Variants in SIMC1 observed in about 807,000 individuals in gnomAD.
SIMC1 encodes SUMO interacting motifs containing 1, also known as SUMO-interacting motif-containing protein 1.
In SIMC1, 55 loss-of-function variants were observed where a neutral mutation model predicts 82.3. That is an observed-to-expected ratio of 0.67 (90% CI 0.54 to 0.84). The LOEUF (loss-of-function observed/expected upper bound fraction) is 0.84. SIMC1 is among the 40% of genes least tolerant of loss of function. SIMC1 has a pLI of 0.00. For synonymous variants in SIMC1, 353 were observed against 426.3 expected (o/e 0.83, Z 2.12); for missense variants, 915 against 1,107.2 (o/e 0.83, Z 2.46).
Position 176,290,320 on chromosome 5 carries a change from C to G in SIMC1, c.796C>G (p.Gln266Glu). The part of the protein sequence containing the change: ...CQLPALTHPP[Q>E]EVPCPRQNIP... The stretch of plus-strand genomic sequence containing the variant: ...ACTACCAGCTCTAACTCACCCACCT[C>G]AAGAAGTGCCATGCCCTCGGCAGAA... Residue 266 changes from glutamine to glutamate, a missense_variant, in exon 2 of 10, where the codon CAA (glutamine) becomes GAA (glutamate). Transcript: ENST00000429602. 2 of 1,613,988 alleles carry G rather than the reference C, an allele frequency of 1.2e-6. No individual in the cohort carries two copies. Among genetic ancestry groups the G allele is most frequent in the South Asian group, 1.1e-5 (1 of 91,076 alleles).
At chr5:176,297,737 A>G in intron 4 of SIMC1, among the ~76,000 whole-genome samples, 1 of 152,200 alleles carries the variant, frequency 6.6e-6, no homozygotes, top group Middle Eastern at 3.2e-3. Flanking sequence ...TGAGGATACA[A>G]TTAAGACATT....
Position 176,343,816 on chromosome 5 carries a change from C to T in SIMC1, c.2414-1367C>T, listed in dbSNP as rs1256123990. On this transcript the variant is annotated intron_variant, in intron 9 of 9. Transcript: ENST00000429602. The stretch of plus-strand genomic sequence containing the variant: ...TTGTTTTGTTTTGTTTTTTTTGAGA[C>T]GGAGTCTAGCTCTGTCGTCCAGGCT... Among the ~76,000 whole-genome samples, 10 of 151,776 alleles carry T rather than the reference C, an allele frequency of 6.6e-5. No homozygotes were observed. The East Asian group carries it at 7.7e-4, about 12-fold the overall frequency.
At chr5:176,252,221 C>CA (rs1157736471) in intron 1 of SIMC1, among the ~76,000 whole-genome samples, 1 of 150,896 alleles carries the variant, frequency 6.6e-6, no homozygotes. Flanking sequence ...CTGACCGCCC[C>CA]CCCCACCTCC....
At chr5:176,281,815 G>T (rs147093756) in intron 1 of SIMC1, among the ~76,000 whole-genome samples, 1 of 152,156 alleles carries the variant, frequency 6.6e-6, no homozygotes, top group Non-Finnish European at 1.5e-5. Context: ...GTACCCGGCC[G>T]TGTGAGGTGT....
intron 4 of SIMC1, among the ~76,000 whole-genome samples, chr5:176,310,010 G>A (rs1427378095): frequency 6.6e-6 from 1 of 152,136 alleles, no homozygotes; most frequent in East Asian, 1.9e-4. Context: ...GTGAATAGAT[G>A]GTTCACTGAA....
intron 4 of SIMC1, among the ~76,000 whole-genome samples, chr5:176,302,497 CA>C (rs1375751034): frequency 6.6e-6 from 1 of 152,172 alleles, no homozygotes; most frequent in East Asian, 1.9e-4. Context: ...CCTCTAAGAT[CA>C]GATGTGCCTG....
At chr5:176,284,948 G>A (rs1438920861) in intron 1 of SIMC1, among the ~76,000 whole-genome samples, 1 of 152,130 alleles carries the variant, frequency 6.6e-6, no homozygotes, top group Non-Finnish European at 1.5e-5. Context: ...CTGAAATTGA[G>A]GCAATAATTA....
intron 7 of SIMC1, among the ~76,000 whole-genome samples, chr5:176,325,462 G>A (rs986487112): frequency 6.6e-5 from 10 of 151,984 alleles, no homozygotes; most frequent in African/African-American, 2.4e-4. Flanking sequence ...AAGGCGGGCG[G>A]ATCACGAGGT....
chr5:176,322,733 A>G (rs1161938302), intron 6 of SIMC1: 2 of 252,010 alleles, frequency 7.9e-6, no homozygotes, highest in African/African-American at 2.2e-5. Context: ...GTAAAGGGTT[A>G]CAGCTCCTCA....
chr5:176,263,813 T>A lies in SIMC1; in HGVS notation c.129+25176T>A, dbSNP rs2560157. On this transcript the variant is annotated intron_variant, in intron 1 of 9. Transcript: ENST00000429602. ...GTCTTAACTCATTCCACTATCAATT[T>A]AAAAAATGCAAAATCTCATCTGAGA... is the stretch of plus-strand genomic sequence containing the variant. Among the ~76,000 whole-genome samples the A allele has an allele frequency of 2.6e-4, 39 of 152,290 alleles. No homozygotes were observed. In the South Asian group the frequency reaches 3.1e-3, roughly 12 times the overall value.
intron 1 of SIMC1, among the ~76,000 whole-genome samples, chr5:176,272,056 A>G (rs1762460162): frequency 6.8e-6 from 1 of 147,002 alleles, no homozygotes; most frequent in African/African-American, 2.5e-5. Context: ...TAGAAAAAAA[A>G]CAAGGGCCAG....
At chr5:176,331,687 G>A (rs1327821371) in intron 7 of SIMC1, among the ~76,000 whole-genome samples, 1 of 151,520 alleles carries the variant, frequency 6.6e-6, no homozygotes. Flanking sequence ...GATGTGGTAG[G>A]CCAGATGCAG....
intron 6 of SIMC1, among the ~76,000 whole-genome samples, chr5:176,324,355 A>G (rs543637560): frequency 6.6e-6 from 1 of 152,272 alleles, no homozygotes; most frequent in South Asian, 2.1e-4. Flanking sequence ...GTGTGGTTCT[A>G]TTTTTGAATT....
chr5:176,246,973 T>C (rs1581213435), intron 1 of SIMC1, among the ~76,000 whole-genome samples: 1 of 152,234 alleles, frequency 6.6e-6, no homozygotes, highest in Admixed American at 6.5e-5. Flanking sequence ...TATTCCATGG[T>C]GTATATGTGC....
chr5:176,314,486 A>G (rs1339267992), intron 5 of SIMC1, among the ~76,000 whole-genome samples: 1 of 152,174 alleles, frequency 6.6e-6, no homozygotes, highest in Non-Finnish European at 1.5e-5. Context: ...TTATTAACCT[A>G]CATTTATTCC....
At chr5:176,262,734 A>C (rs954080227) in intron 1 of SIMC1, among the ~76,000 whole-genome samples, 1 of 152,152 alleles carries the variant, frequency 6.6e-6, no homozygotes. Context: ...GAACCCAGGA[A>C]GCAGAGGTTG....
intron 1 of SIMC1, among the ~76,000 whole-genome samples, chr5:176,274,367 G>C (rs2113193233): frequency 6.6e-6 from 1 of 150,878 alleles, no homozygotes; most frequent in East Asian, 1.9e-4. Context: ...TTTTTTTCTT[G>C]TAAATTTGCT....
intron 5 of SIMC1, among the ~76,000 whole-genome samples, chr5:176,319,583 T>A (rs1765068813): frequency 6.6e-6 from 1 of 152,052 alleles, no homozygotes; most frequent in African/African-American, 2.4e-5. Flanking sequence ...CCTAGCACTT[T>A]CAGGGGCCAA....
At position 176,336,926 on chromosome 5, in the gene SIMC1, T is replaced by C. The variant is rs1057177346; in HGVS notation, c.2328+50T>C. On this transcript the variant is annotated intron_variant, in intron 8 of 9. Coordinates refer to ENST00000429602, the MANE Select transcript of SIMC1 (RefSeq NM_001308195.2). ...AGGCCTAGAGCACCTCTCTTTGCTC[T>C]AGGCCCGAACCCTTCCCATAGGATT... 13 of 1,609,380 alleles carry C rather than the reference T, an allele frequency of 8.1e-6. No homozygotes were observed. In the Admixed American group the frequency reaches 1.0e-4, roughly 12 times the overall value.
Sources: allele counts gnomAD v4.1 joint callset (sites outside exome capture counted in the v4.1 genomes callset), GRCh38; gene constraint gnomAD v4.1.1; transcripts MANE v1.5; gene names NCBI Gene and HGNC (gene_info 2026-07-23, HGNC 2026-07-21).